The following FAM78B variants were observed in gnomAD, a reference collection of about 807,000 sequenced individuals.
The protein encoded by FAM78B is family with sequence similarity 78 member B.
In FAM78B, 10 loss-of-function variants were observed where a neutral mutation model predicts 20.0. The ratio of observed to expected loss-of-function variants is 0.50; its 90% confidence interval spans 0.31 to 0.85. The LOEUF (loss-of-function observed/expected upper bound fraction) is 0.85. Ranked by LOEUF, FAM78B falls within the 40% of genes least tolerant of loss-of-function variation. The pLI, the probability that FAM78B is intolerant of heterozygous loss-of-function variation, is 0.05. For synonymous variants in FAM78B, 135 were observed against 132.8 expected (o/e 1.02, Z -0.12); for missense variants, 283 against 345.0 (o/e 0.82, Z 1.42).
At chr1:166,057,972 T>G (rs1435630320) in exon 3 of FAM78B, 1 of 146,058 alleles carries the variant, frequency 6.8e-6, no homozygotes, top group Non-Finnish European at 1.5e-5. Context: ...TGGGTTTTTT[T>G]TTTTCATTTT....
chr1:166,073,627 C>T (rs971498693), intron 1 of FAM78B, among the ~76,000 whole-genome samples: 18 of 148,960 alleles, frequency 1.2e-4, no homozygotes, highest in Admixed American at 4.1e-4. Context: ...AATGGTTTTT[C>T]GAGAAGTCTC....
intron 1 of FAM78B, among the ~76,000 whole-genome samples, chr1:166,096,952 A>T (rs1653304227): frequency 6.6e-6 from 1 of 152,230 alleles, no homozygotes; most frequent in African/African-American, 2.4e-5. Flanking sequence ...GACTGCAAGA[A>T]CAAACCAGCA....
chr1:166,062,801 T>C (rs1366536883), intron 2 of FAM78B, among the ~76,000 whole-genome samples: 1 of 152,254 alleles, frequency 6.6e-6, no homozygotes, highest in Non-Finnish European at 1.5e-5. Flanking sequence ...CTGAAGTGCA[T>C]GTATTATCTT....
At chr1:166,102,833 G>A (rs1389391929) in intron 1 of FAM78B, among the ~76,000 whole-genome samples, 1 of 152,140 alleles carries the variant, frequency 6.6e-6, no homozygotes, top group African/African-American at 2.4e-5. Context: ...TCCAGGAATT[G>A]AACTCAGCTC....
intron 1 of FAM78B, among the ~76,000 whole-genome samples, chr1:166,097,232 T>C (rs1361216622): frequency 6.6e-6 from 1 of 152,280 alleles, no homozygotes; most frequent in South Asian, 2.1e-4. Flanking sequence ...CTGGGTCCCC[T>C]AGCAGGCCAT....
chr1:166,162,709 C>G (rs1656194928), intron 1 of FAM78B, among the ~76,000 whole-genome samples: 1 of 152,178 alleles, frequency 6.6e-6, no homozygotes, highest in Admixed American at 6.5e-5. Context: ...TGACTTTAAT[C>G]TTTTCCTTTT....
chr1:166,120,408 C>T (rs756072093), intron 1 of FAM78B, among the ~76,000 whole-genome samples: 8 of 152,188 alleles, frequency 5.3e-5, no homozygotes, highest in Non-Finnish European at 1.0e-4. Flanking sequence ...GCGGGCTGAC[C>T]GTGCCACGCC....
intron 1 of FAM78B, among the ~76,000 whole-genome samples, chr1:166,155,552 T>C (rs537682730): frequency 6.6e-6 from 1 of 152,296 alleles, no homozygotes; most frequent in Admixed American, 6.5e-5. Context: ...GCAGGTTTCT[T>C]AGCAAAAGAC....
chr1:166,102,255 T>A (rs2101748014), intron 1 of FAM78B, among the ~76,000 whole-genome samples: 1 of 152,290 alleles, frequency 6.6e-6, no homozygotes. Flanking sequence ...TGCAAAAACA[T>A]GCCAAATTGT....
downstream of FAM78B, among the ~76,000 whole-genome samples, chr1:166,068,966 C>A (rs1458643462): frequency 3.9e-5 from 6 of 152,172 alleles, no homozygotes; most frequent in African/African-American, 1.4e-4. Context: ...GGCCTCTCAT[C>A]TTTACTGGTT....
intron 1 of FAM78B, among the ~76,000 whole-genome samples, chr1:166,125,079 T>C (rs150998062): frequency 1.4e-4 from 21 of 152,368 alleles, no homozygotes; most frequent in Non-Finnish European, 2.8e-4. Context: ...GCTCTCACAA[T>C]TGCAGTACTT....
At chr1:166,106,973 A>G (rs967918226) in intron 1 of FAM78B, among the ~76,000 whole-genome samples, 1 of 152,144 alleles carries the variant, frequency 6.6e-6, no homozygotes, top group African/African-American at 2.4e-5. Context: ...GACACAACCT[A>G]CCGAAATCTC....
chr1:166,131,153 G>A (rs1195073293), intron 1 of FAM78B, among the ~76,000 whole-genome samples: 3 of 151,694 alleles, frequency 2.0e-5, no homozygotes, highest in East Asian at 1.9e-4. Flanking sequence ...CACCACACCC[G>A]GCTAATTTTT....
rs1655079576 is a variant in FAM78B at position 166,136,771 on chromosome 1, G to C, written c.263+29215C>G. Among the ~76,000 whole-genome samples the C allele has an allele frequency of 2.6e-5, 4 of 152,316 alleles. No individual in the cohort carries two copies. In the South Asian group the frequency reaches 6.2e-4, roughly 24 times the overall value. ...GTGACTCTGATTTAGAGCAGTTGCAGCAACACAGCTTGCCTGGATGGTCAA... is the reference window on the plus strand; with the variant it reads ...GTGACTCTGATTTAGAGCAGTTGCACCAACACAGCTTGCCTGGATGGTCAA... On this transcript the variant is annotated intron_variant, in intron 1 of 1. Coordinates refer to ENST00000354422, the MANE Select transcript of FAM78B (RefSeq NM_001017961.5).
chr1:166,108,202 C>A (rs1019321359), intron 1 of FAM78B, among the ~76,000 whole-genome samples: 6 of 152,134 alleles, frequency 3.9e-5, no homozygotes, highest in African/African-American at 1.4e-4. Context: ...GGAAGTCAAA[C>A]TGTCACTGTT....
At chr1:166,154,138 C>T (rs1286378780) in intron 1 of FAM78B, among the ~76,000 whole-genome samples, 2 of 152,226 alleles carry the variant, frequency 1.3e-5, no homozygotes, top group African/African-American at 2.4e-5. Context: ...GGGGAGGGCC[C>T]CTGGCCCCCT....
chr1:166,162,918 C>T (rs1656205282), intron 1 of FAM78B, among the ~76,000 whole-genome samples: 1 of 152,124 alleles, frequency 6.6e-6, no homozygotes, highest in Admixed American at 6.6e-5. Flanking sequence ...TGAATATTAC[C>T]CATACCTCAG....
At chr1:166,121,102 A>G (rs1224477472) in intron 1 of FAM78B, among the ~76,000 whole-genome samples, 1 of 152,206 alleles carries the variant, frequency 6.6e-6, no homozygotes, top group South Asian at 2.1e-4. Context: ...AAGCCCGCTT[A>G]TCATATGACT....
chr1:166,137,349 T>C (rs1655104872), intron 1 of FAM78B, among the ~76,000 whole-genome samples: 1 of 152,238 alleles, frequency 6.6e-6, no homozygotes, highest in Admixed American at 6.5e-5. Flanking sequence ...GGACTAAAGA[T>C]GTCCACCATC....
Sources: gnomAD v4.1 joint callset for allele counts (sites outside exome capture counted in the v4.1 genomes callset) on GRCh38, gnomAD v4.1.1 for gene constraint, MANE v1.5 for transcripts, NCBI Gene and HGNC (gene_info 2026-07-23, HGNC 2026-07-21) for gene names.